Variants in IL1RAPL2 observed in about 807,000 individuals in gnomAD.
IL1RAPL2 encodes the protein X-linked interleukin-1 receptor accessory protein-like 2.
In IL1RAPL2, 3 loss-of-function variants were observed where a neutral mutation model predicts 44.1. That is an observed-to-expected ratio of 0.07 (90% CI 0.03 to 0.18). The LOEUF (loss-of-function observed/expected upper bound fraction) is 0.18. Ranked by LOEUF, IL1RAPL2 falls within the 10% of genes least tolerant of loss-of-function variation. The pLI is 1.00. For synonymous variants in IL1RAPL2, 181 were observed against 178.8 expected (o/e 1.01, Z -0.10); for missense variants, 391 against 496.4 (o/e 0.79, Z 2.02).
chrX:104,741,353 T>C (rs1260559741), intron 2 of IL1RAPL2, among the ~76,000 whole-genome samples: 2 of 111,374 alleles, frequency 1.8e-5, no homozygotes, highest in Non-Finnish European at 3.8e-5. Flanking sequence ...TACTGTAATA[T>C]AAATCAATGG....
chrX:104,629,997 T>C (rs1209662102), intron 1 of IL1RAPL2, among the ~76,000 whole-genome samples: 1 of 111,500 alleles, frequency 9.0e-6, no homozygotes, highest in Non-Finnish European at 1.9e-5. Context: ...TGTTTGTTTG[T>C]TTTTGAGATG....
intron 5 of IL1RAPL2, among the ~76,000 whole-genome samples, chrX:105,375,006 T>C (rs1380409373): frequency 9.2e-6 from 1 of 108,940 alleles, no homozygotes; most frequent in Non-Finnish European, 1.9e-5. Context: ...TCACTGAAGT[T>C]ATCAGCCTAA....
intron 2 of IL1RAPL2, chrX:104,804,116 G>C (rs1350819015): frequency 8.9e-6 from 1 of 112,495 alleles, no homozygotes; most frequent in African/African-American, 3.2e-5. Context: ...GTAGGTATTT[G>C]AGCAATTCTG....
At chrX:104,872,391 A>G (rs752082011) in intron 2 of IL1RAPL2, among the ~76,000 whole-genome samples, 1 of 111,696 alleles carries the variant, frequency 9.0e-6, no homozygotes, top group South Asian at 3.8e-4. Flanking sequence ...AAACCCATGA[A>G]CATGTGCACA....
At chrX:105,060,517 G>A (rs911457144) in intron 2 of IL1RAPL2, among the ~76,000 whole-genome samples, 7 of 107,619 alleles carry the variant, frequency 6.5e-5, no homozygotes, top group Non-Finnish European at 1.3e-4. Context: ...ATTTTGTTGA[G>A]AATTTTGCAT....
chrX:104,645,956 CA>C (rs1170161538), intron 1 of IL1RAPL2, among the ~76,000 whole-genome samples: 7 of 111,939 alleles, frequency 6.3e-5, no homozygotes, highest in Admixed American at 9.4e-5. Context: ...TGATTCATAC[CA>C]AATTGGTCAA....
chrX:105,252,398 C>T (rs1355600683), intron 4 of IL1RAPL2, among the ~76,000 whole-genome samples: 2 of 111,403 alleles, frequency 1.8e-5, no homozygotes, highest in Non-Finnish European at 3.8e-5. Flanking sequence ...TGGGTTTTGA[C>T]GTTATATTTT....
intron 1 of IL1RAPL2, among the ~76,000 whole-genome samples, chrX:104,612,447 C>T (rs940948709): frequency 9.0e-6 from 1 of 111,536 alleles, no homozygotes; most frequent in African/African-American, 3.3e-5. Flanking sequence ...GAGTCCTTTC[C>T]CCATTGTTTA....
At chrX:105,196,590 A>G (rs1179605563) in intron 3 of IL1RAPL2, among the ~76,000 whole-genome samples, 3 of 111,816 alleles carry the variant, frequency 2.7e-5, no homozygotes, top group Non-Finnish European at 5.6e-5. Context: ...CTCTGTAAAT[A>G]CACAGTCATC....
chrX:104,570,530 A>G lies in IL1RAPL2; in HGVS notation c.-20+3479A>G, dbSNP rs965196302. 5.4e-5 allele frequency among the ~76,000 whole-genome samples: 6 copies of G among 111,536 alleles called. No individual in the cohort carries two copies. The South Asian group carries it at 1.5e-3, about 28-fold the overall frequency. ...CATAGTGACACCCCACCTCTATTTT[A>G]AAAATGTGTCTAATGTAAGGCCTGA... On this transcript the variant is annotated intron_variant, in intron 1 of 10. Transcript: ENST00000372582.
chrX:105,666,362 A>G (rs1414189957), intron 6 of IL1RAPL2, among the ~76,000 whole-genome samples: 2 of 110,819 alleles, frequency 1.8e-5, no homozygotes, highest in Non-Finnish European at 3.8e-5. Context: ...ACCAGCATTT[A>G]TTATTAAGTT....
intron 5 of IL1RAPL2, among the ~76,000 whole-genome samples, chrX:105,456,324 C>T (rs1158119903): frequency 1.8e-5 from 2 of 111,208 alleles, no homozygotes; most frequent in Admixed American, 1.9e-4. Context: ...TTTCTCTTAC[C>T]AGATTGCCCT....
chrX:105,484,745 A>C (rs960355747), intron 6 of IL1RAPL2, among the ~76,000 whole-genome samples: 4 of 80,853 alleles, frequency 4.9e-5, no homozygotes, highest in African/African-American at 1.9e-4. Flanking sequence ...CCTGGAGACC[A>C]AGCACTTCTT....
chrX:104,699,692 G>A (rs1213338299), intron 2 of IL1RAPL2, among the ~76,000 whole-genome samples: 3 of 111,566 alleles, frequency 2.7e-5, no homozygotes, highest in Non-Finnish European at 5.6e-5. Flanking sequence ...CCTGCTGCCT[G>A]CTTTTGTAAA....
At chrX:105,482,661 A>G (rs1057225130) in intron 5 of IL1RAPL2, among the ~76,000 whole-genome samples, 1 of 111,383 alleles carries the variant, frequency 9.0e-6, no homozygotes, top group African/African-American at 3.3e-5. Flanking sequence ...TAGTTCCCTA[A>G]CCTTACCTGT....
chrX:105,297,436 A>G (rs2147672335), intron 5 of IL1RAPL2, among the ~76,000 whole-genome samples: 1 of 111,814 alleles, frequency 8.9e-6, no homozygotes, highest in South Asian at 3.8e-4. Flanking sequence ...TGGGTAATTT[A>G]TAATGAAAAG....
At chrX:105,210,850 C>T (rs1449522894) in intron 3 of IL1RAPL2, among the ~76,000 whole-genome samples, 1 of 110,885 alleles carries the variant, frequency 9.0e-6, no homozygotes, top group African/African-American at 3.3e-5. Context: ...AGGTGATGTC[C>T]AAGGCTCCTC....
At position 105,766,852 on chromosome X, in the gene IL1RAPL2, G is replaced by A. The variant is rs1309757839; in HGVS notation, c.1364-112G>A. On this transcript the variant is annotated intron_variant, in intron 10 of 10. Transcript: ENST00000372582. ...AATGTACCATACAAGAAAAGAAAAT[G>A]TGATGGACTTTAGTGAGAGACTGGA... is the stretch of plus-strand genomic sequence containing the variant. 3 of 482,960 alleles carry A rather than the reference G, an allele frequency of 6.2e-6. No homozygotes were observed. In the Admixed American group the frequency reaches 1.2e-4, roughly 19 times the overall value. 39.8% of individuals were successfully genotyped at this position (482,960 alleles called of 1,213,427 possible). A position where few individuals can be genotyped will look rare whatever the true frequency, so the allele number is the denominator to read the frequency against.
intron 2 of IL1RAPL2, among the ~76,000 whole-genome samples, chrX:104,754,394 G>A (rs750922332): frequency 3.6e-5 from 4 of 111,543 alleles, no homozygotes; most frequent in Non-Finnish European, 5.7e-5. Context: ...TTTAAAATTG[G>A]TAATCAAAAA....
Sources: allele counts gnomAD v4.1 joint callset (sites outside exome capture counted in the v4.1 genomes callset), GRCh38; gene constraint gnomAD v4.1.1; transcripts MANE v1.5; gene names NCBI Gene and HGNC (gene_info 2026-07-23, HGNC 2026-07-21).